LMLN: variants seen among roughly 807,000 people sequenced by gnomAD.
LMLN encodes the protein leishmanolysin-like peptidase.
A neutral mutation model predicts 92.3 loss-of-function variants in LMLN; 70 were observed. That is an observed-to-expected ratio of 0.76 (90% CI 0.63 to 0.92). The LOEUF is 0.92. LMLN is among the 40% of genes least tolerant of loss of function. The pLI is 0.00. For missense variants in LMLN, 691 were observed against 814.6 expected (o/e 0.85, Z 1.85); for synonymous variants, 308 against 296.2 (o/e 1.04, Z -0.41).
At chr3:197,981,996 G>T (rs1300646825) in intron 6 of LMLN, among the ~76,000 whole-genome samples, 1 of 152,032 alleles carries the variant, frequency 6.6e-6, no homozygotes, top group Non-Finnish European at 1.5e-5. Context: ...ATAGAGACAG[G>T]GCTTTCACTA....
chr3:197,995,645 T>C (rs1721997043), intron 9 of LMLN, among the ~76,000 whole-genome samples: 1 of 148,188 alleles, frequency 6.7e-6, no homozygotes. Context: ...TTTTTTTTTC[T>C]TTTTTTTTGA....
At chr3:197,977,518 T>C (rs1721422005) in intron 5 of LMLN, among the ~76,000 whole-genome samples, 2 of 151,762 alleles carry the variant, frequency 1.3e-5, no homozygotes, top group Non-Finnish European at 2.9e-5. Flanking sequence ...AATCTGGAAG[T>C]ATACACACGT....
At chr3:198,038,951 ACCCAGCCAC>A in exon 16 of LMLN, 2 of 333,604 alleles carry the variant, frequency 6.0e-6, no homozygotes, top group Non-Finnish European at 1.1e-5. Flanking sequence ...CTCGTCAGCA[ACCCAGCCAC>A]CTTCATCAGC....
Position 198,003,131 on chromosome 3 carries a change from A to G in LMLN, c.1232+3789A>G. The G allele has an allele frequency of 6.8e-7, 1 of 1,475,644 alleles. No homozygotes were observed. The highest frequency in any genetic ancestry group is 9.3e-7 in the Non-Finnish European group (1 of 1,078,446). The allele number at this position is 1,475,644 out of a possible 1,614,324, so 91.4% of individuals were successfully genotyped here. ...ATTGATCAGCAGAGACAAAAGTAAG[A>G]ATGCATTTCCTCACAGTGTCACTGA... On this transcript the variant is annotated intron_variant, in intron 11 of 15. Coordinates refer to ENST00000330198, the Ensembl canonical transcript of LMLN.
At chr3:198,026,402 T>A (rs1305329597) in intron 14 of LMLN, among the ~76,000 whole-genome samples, 2 of 152,158 alleles carry the variant, frequency 1.3e-5, no homozygotes, top group Non-Finnish European at 2.9e-5. Context: ...CTCTGCAACC[T>A]CCACCTCCCG....
chr3:198,018,580 C>G (rs1246277254), intron 11 of LMLN, among the ~76,000 whole-genome samples: 1 of 152,168 alleles, frequency 6.6e-6, no homozygotes, highest in Non-Finnish European at 1.5e-5. Context: ...AAGATGTATG[C>G]TGAGACACCA....
rs141749534 is a variant in LMLN, at chr3:198,026,976, T to G, written c.1656+2188T>G. 2.2e-3 allele frequency among the ~76,000 whole-genome samples: 333 copies of G among 152,292 alleles called. 3 individuals carry two copies. The highest frequency in any genetic ancestry group is 7.9e-3 in the African/African-American group (328 of 41,572). Reference sequence around the variant, plus strand: ...TGTATGTATATGTATCAGTACACTCTCCTGTGAGTGCGTGTGTGTGTGTGT... The same window carrying G: ...TGTATGTATATGTATCAGTACACTCGCCTGTGAGTGCGTGTGTGTGTGTGT... On this transcript the variant is annotated intron_variant, in intron 14 of 15. Coordinates refer to ENST00000330198, the Ensembl canonical transcript of LMLN.
chr3:197,997,900 A>G (rs1396213635), intron 10 of LMLN, among the ~76,000 whole-genome samples: 1 of 152,232 alleles, frequency 6.6e-6, no homozygotes, highest in East Asian at 1.9e-4. Flanking sequence ...TGTTTTAGAA[A>G]ATGTAATGAG....
chr3:198,000,501 C>T (rs191347745), intron 11 of LMLN, among the ~76,000 whole-genome samples: 1 of 152,246 alleles, frequency 6.6e-6, no homozygotes, highest in African/African-American at 2.4e-5. Flanking sequence ...GATCTTGGCT[C>T]ACTGCAACCT....
chr3:198,019,286 C>T lies in LMLN; in HGVS notation c.1266C>T (p.Leu422=), dbSNP rs151078467. 3.0e-5 allele frequency: 48 copies of T among 1,613,826 alleles called. No individual in the cohort carries two copies. Among genetic ancestry groups the T allele is most frequent in the Non-Finnish European group, 3.8e-5 (45 of 1,179,974 alleles). Residue 422 remains leucine, a synonymous_variant, in exon 12 of 16, where the codon CTC becomes CTT. Coordinates refer to ENST00000330198, the Ensembl canonical transcript of LMLN. The surrounding 1 kb of genome is among the most constrained non-coding windows in gnomAD (Gnocchi z 5.5). ...TGCTGAGCCCTTACTGTGACACGCTCAGAAGTAACCCACTGCAGCTAACTT... is the reference window on the plus strand; with the variant it reads ...TGCTGAGCCCTTACTGTGACACGCTTAGAAGTAACCCACTGCAGCTAACTT...
intron 11 of LMLN, among the ~76,000 whole-genome samples, chr3:198,007,705 C>G (rs939708422): frequency 2.0e-5 from 3 of 152,184 alleles, no homozygotes; most frequent in African/African-American, 7.2e-5. Context: ...ATTATCTCGT[C>G]TGTATCTGCC....
chr3:197,960,407 T>G (rs779962508), exon 1 of LMLN: 4 of 1,613,694 alleles, frequency 2.5e-6, no homozygotes, highest in African/African-American at 1.3e-5. Context: ...GCAGTTCCCC[T>G]CCCTGCCGGC....
intron 11 of LMLN, among the ~76,000 whole-genome samples, chr3:198,014,202 T>C (rs1406580098): frequency 1.4e-5 from 2 of 146,924 alleles, no homozygotes; most frequent in African/African-American, 5.2e-5. Context: ...GACTTCTCTG[T>C]ACCCTTCAGA....
intron 11 of LMLN, among the ~76,000 whole-genome samples, chr3:198,016,822 GGTT>G (rs1264038213): frequency 6.6e-6 from 1 of 152,078 alleles, no homozygotes; most frequent in African/African-American, 2.4e-5. Context: ...CTGTCAGCAA[GGTT>G]TTTTTTTGAA....
chr3:197,970,740 C>T (rs956237612), intron 1 of LMLN, among the ~76,000 whole-genome samples: 1 of 152,198 alleles, frequency 6.6e-6, no homozygotes, highest in Non-Finnish European at 1.5e-5. Flanking sequence ...TTCTAGATGC[C>T]AGCAAAAGGT....
intron 6 of LMLN, chr3:197,980,732 C>T (rs1420623755): frequency 5.0e-6 from 2 of 396,992 alleles, no homozygotes; most frequent in African/African-American, 2.0e-5. Flanking sequence ...AAAAGTGAAG[C>T]ACTTCGTTTG....
intron 15 of LMLN, among the ~76,000 whole-genome samples, chr3:198,037,878 T>TG (rs1723276420): frequency 6.6e-6 from 1 of 152,198 alleles, no homozygotes; most frequent in Non-Finnish European, 1.5e-5. Flanking sequence ...TATGAATGTA[T>TG]GGGTAGATAT....
chr3:198,019,788 G>A lies in LMLN; in HGVS notation c.1365+403G>A, dbSNP rs900234834. The stretch of plus-strand genomic sequence containing the variant: ...GCTTTGGAAAAGATTTGATTCATGG[G>A]ATCTGAAAGATTAAGGAAATGGTCC... On this transcript the variant is annotated intron_variant, in intron 12 of 15. Transcript: ENST00000330198. The surrounding 1 kb of genome is among the most constrained non-coding windows in gnomAD (Gnocchi z 5.5). Among the ~76,000 whole-genome samples the A allele has an allele frequency of 6.6e-6, 1 of 152,182 alleles. No homozygotes were observed. The highest frequency in any genetic ancestry group is 6.5e-5 in the Admixed American group (1 of 15,270).
intron 7 of LMLN, 83 bp from the exon 8 acceptor site, chr3:197,985,713 G>GTATC: frequency 1.2e-6 from 1 of 854,094 alleles, no homozygotes; most frequent in South Asian, 1.5e-5. Flanking sequence ...GTTCCCGTTA[G>GTATC]TATCAGTGCT....
Sources: gnomAD v4.1 joint callset for allele counts (sites outside exome capture counted in the v4.1 genomes callset) on GRCh38, gnomAD v4.1.1 for gene constraint, Gnocchi (gnomAD v3.1) non-coding constraint, MANE v1.5 for transcripts, NCBI Gene and HGNC (gene_info 2026-07-23, HGNC 2026-07-21) for gene names.